Variants in POLD1 observed in about 807,000 individuals in gnomAD.
POLD1 encodes DNA polymerase delta catalytic subunit.
Under a neutral mutation model 129.7 loss-of-function variants are expected in POLD1, and 79 were observed. That is an observed-to-expected ratio of 0.61 (90% confidence interval 0.51 to 0.73). The LOEUF is 0.73. Ranked by LOEUF, POLD1 falls within the 30% of genes least tolerant of loss-of-function variation. The pLI, the probability that POLD1 is intolerant of heterozygous loss-of-function variation, is 0.00. For synonymous variants in POLD1, 714 were observed against 683.3 expected (o/e 1.04, Z -0.70); for missense variants, 1,338 against 1,595.8 (o/e 0.84, Z 2.75).
chr19:50,409,568 C>T lies in POLD1; in HGVS notation c.2056C>T (p.Leu686=). Residue 686 remains leucine (L), a synonymous_variant, in exon 17 of 27, where the codon CTG becomes TTG. Coordinates refer to ENST00000440232, the MANE Select transcript of POLD1 (RefSeq NM_002691.4). The surrounding 1 kb of genome is among the most constrained non-coding windows in gnomAD (Gnocchi z 5.8). ...KETDPLRRQV[L]DGRQLALKVS... is the part of the protein sequence containing the mutation. ...GACAGACCCCCTCCGGCGCCAGGTCCTGGATGGACGGCAGCTGGCGCTGAA... is the reference window on the plus strand; with the variant it reads ...GACAGACCCCCTCCGGCGCCAGGTCTTGGATGGACGGCAGCTGGCGCTGAA... The T allele has an allele frequency of 6.2e-7, 1 of 1,613,506 alleles. No homozygotes were observed. The highest frequency in any genetic ancestry group is 8.5e-7 in the Non-Finnish European group (1 of 1,180,034).
At chr19:50,387,851 G>A (rs2038023914) in intron 1 of POLD1, 1 of 152,500 alleles carries the variant, frequency 6.6e-6, no homozygotes. Flanking sequence ...CACAAACGCA[G>A]TCAAAGTCTT....
chr19:50,388,503 C>G (rs1362601202), intron 1 of POLD1, among the ~76,000 whole-genome samples: 1 of 152,170 alleles, frequency 6.6e-6, no homozygotes, highest in Admixed American at 6.5e-5. Context: ...AAAAAGACGT[C>G]TACATACTCC....
chr19:50,386,299 A>G (rs2037970308), intron 1 of POLD1, among the ~76,000 whole-genome samples: 1 of 151,786 alleles, frequency 6.6e-6, no homozygotes, highest in South Asian at 2.1e-4. Flanking sequence ...CACCACGCCC[A>G]GCTAATTTTT....
intron 1 of POLD1, among the ~76,000 whole-genome samples, chr19:50,389,242 C>A (rs1470878572): frequency 6.6e-6 from 1 of 151,784 alleles, no homozygotes; most frequent in South Asian, 2.1e-4. Flanking sequence ...GATCCTCAGC[C>A]TCTCGAGTAG....
chr19:50,405,785 GGCGCCCTCCA>G (rs991321333), intron 10 of POLD1, among the ~76,000 whole-genome samples: 2 of 152,118 alleles, frequency 1.3e-5, no homozygotes, highest in Admixed American at 6.6e-5. Context: ...CCTGCAGCCA[GGCGCCCTCCA>G]GCGCCCTCAG....
At chr19:50,417,293 G>C in intron 26 of POLD1, 24 bp downstream of exon 26, 1 of 1,518,584 alleles carries the variant, frequency 6.6e-7, no homozygotes, top group Non-Finnish European at 8.9e-7. Context: ...CCCGACCCTG[G>C]GCTGCCCCGC....
At chr19:50,414,570 C>A (rs982462044) in intron 19 of POLD1, among the ~76,000 whole-genome samples, 2 of 152,236 alleles carry the variant, frequency 1.3e-5, no homozygotes, top group Non-Finnish European at 2.9e-5. Flanking sequence ...TAGGGACTAT[C>A]TGGATTTATC....
intron 8 of POLD1, 140 bp from the exon 9 acceptor site, chr19:50,402,913 A>G: frequency 7.5e-7 from 1 of 1,325,396 alleles, no homozygotes; most frequent in Non-Finnish European, 1.0e-6. Context: ...CCTGGAGGTG[A>G]GAGCAGAGCA....
At chr19:50,401,365 G>A (rs796477661) in intron 3 of POLD1, among the ~76,000 whole-genome samples, 4,295 of 69,190 alleles carry the variant, frequency 0.062, 64 homozygotes, top group African/African-American at 0.11. Context: ...TTGTGTATAT[G>A]TGTATATATA....
At chr19:50,399,314 C>T (rs1239774493) in intron 2 of POLD1, 57 bp from the exon 3 acceptor site, 1 of 1,426,982 alleles carries the variant, frequency 7.0e-7, no homozygotes, top group East Asian at 2.3e-5. Flanking sequence ...CACATGCCAT[C>T]CTGGCCGGGG....
At chr19:50,391,325 A>C (rs1443464119) in intron 1 of POLD1, among the ~76,000 whole-genome samples, 2 of 152,110 alleles carry the variant, frequency 1.3e-5, no homozygotes, top group African/African-American at 2.4e-5. Flanking sequence ...CAATCTCGGC[A>C]CTTTGGGAGG....
At position 50,408,182 on chromosome 19, in the gene POLD1, G is replaced by A. The variant is rs950875360; in HGVS notation, c.1776-603G>A. 8.6e-5 allele frequency among the ~76,000 whole-genome samples: 13 copies of A among 150,756 alleles called. No homozygotes were observed. The East Asian group carries it at 2.4e-3, about 28-fold the overall frequency. ...AAACCCCGTCTCTACTAAAAATACAGAAATTAGCTGGGCATGGTGGCGGGC... is the reference window on the plus strand; with the variant it reads ...AAACCCCGTCTCTACTAAAAATACAAAAATTAGCTGGGCATGGTGGCGGGC... On this transcript the variant is annotated intron_variant, in intron 14 of 26. Coordinates refer to ENST00000440232, the MANE Select transcript of POLD1 (RefSeq NM_002691.4).
rs749864626 is a variant in POLD1 at position 50,402,073 on chromosome 19, A to C, written c.538A>C (p.Arg180=). 10 of 1,613,596 alleles carry C rather than the reference A, an allele frequency of 6.2e-6. No homozygotes were observed. The East Asian group carries it at 6.7e-5, about 11-fold the overall frequency. Residue 180 remains arginine, a synonymous_variant, in exon 5 of 27, where the codon AGG becomes CGG. Transcript: ENST00000440232. ...CATCAGCCGGGACAGTCGCGGGGGGAGGGAGCTGACTGGGCCGGCCGTGCT... is the reference window on the plus strand; with the variant it reads ...CATCAGCCGGGACAGTCGCGGGGGGCGGGAGCTGACTGGGCCGGCCGTGCT... ...LAISRDSRGG[R]ELTGPAVLAV... is the part of the protein sequence containing the mutation.
At position 50,406,511 on chromosome 19, in the gene POLD1, C is replaced by T. The variant is rs1355408477; in HGVS notation, c.1488C>T (p.Asp496=). ...KEDVQHSIIT[D]LQNGNDQTRR... ...ACGTGCAGCACAGCATCATCACCGA[C>T]CTGCAGGTGCCTGCTGCCTCCCTGA... Residue 496 remains aspartate, a synonymous_variant, in exon 12 of 27, where the codon GAC becomes GAT. Coordinates refer to ENST00000440232, the MANE Select transcript of POLD1 (RefSeq NM_002691.4). This position sits in a 1 kb window ranked among gnomAD's most constrained non-coding sequence, Gnocchi z 5.5. 6.4e-7 allele frequency: 1 copy of T among 1,571,678 alleles called. No homozygotes were observed. The highest frequency in any genetic ancestry group is 1.4e-5 in the African/African-American group (1 of 73,956).
chr19:50,405,588 C>T (rs2038845874), intron 10 of POLD1, among the ~76,000 whole-genome samples: 2 of 152,116 alleles, frequency 1.3e-5, no homozygotes, highest in South Asian at 4.1e-4. Context: ...AAGAAAAAAT[C>T]CATTCTAAAA....
Position 50,406,190 on chromosome 19 carries a change from A to G in POLD1, c.1251A>G (p.Thr417=), listed in dbSNP as rs1601215170. Residue 417 remains threonine, a synonymous_variant, in exon 11 of 27, where the codon ACA becomes ACG. Transcript: ENST00000440232. This position sits in a 1 kb window ranked among gnomAD's most constrained non-coding sequence, Gnocchi z 5.5. ...CTGCCTCTCCTCCTCAGGTACAAAC[A>G]TTCCCTTTCCTGGGCCGTGTGGCCG... The part of the protein sequence containing the change: ...ISRAQTLKVQ[T]FPFLGRVAGL... The G allele has an allele frequency of 6.2e-7, 1 of 1,613,328 alleles. No individual in the cohort carries two copies. Among genetic ancestry groups the G allele is most frequent in the Non-Finnish European group, 8.5e-7 (1 of 1,179,548 alleles).
intron 3 of POLD1, among the ~76,000 whole-genome samples, chr19:50,401,391 A>ATATATATATTTTTTTTTTT (rs1334231607): frequency 1.5e-5 from 1 of 65,990 alleles, no homozygotes; most frequent in Non-Finnish European, 2.6e-5. Flanking sequence ...ATATATATAT[A>ATATATATATTTTTTTTTTT]TTTTTTTTTT....
At position 50,406,774 on chromosome 19, in the gene POLD1, T is replaced by C. The variant is rs1194473026; in HGVS notation, c.1495-209T>C. Among the ~76,000 whole-genome samples, 2 of 151,992 alleles carry C rather than the reference T, an allele frequency of 1.3e-5. No individual in the cohort carries two copies. Among genetic ancestry groups the C allele is most frequent in the Non-Finnish European group, 2.9e-5 (2 of 67,978 alleles). On this transcript the variant is annotated intron_variant, in intron 12 of 26. Coordinates refer to ENST00000440232, the MANE Select transcript of POLD1 (RefSeq NM_002691.4). This position sits in a 1 kb window ranked among gnomAD's most constrained non-coding sequence, Gnocchi z 5.5. ...AGGTCCACGGTGGCCTTCAGGCTGC[T>C]CCCTCCTCCTCCCTCTGGCCCTGTG...
At chr19:50,386,305 T>C (rs1485688293) in intron 1 of POLD1, among the ~76,000 whole-genome samples, 1 of 151,866 alleles carries the variant, frequency 6.6e-6, no homozygotes, top group Non-Finnish European at 1.5e-5. Flanking sequence ...GCCCAGCTAA[T>C]TTTTGTATTT....
Sources: allele counts gnomAD v4.1 joint callset (sites outside exome capture counted in the v4.1 genomes callset), GRCh38; gene constraint gnomAD v4.1.1; non-coding constraint Gnocchi (gnomAD v3.1); transcripts MANE v1.5; gene names NCBI Gene and HGNC (gene_info 2026-07-23, HGNC 2026-07-21).